The following MYO16 variants were observed in gnomAD, a reference collection of about 807,000 sequenced individuals.
MYO16 encodes the protein unconventional myosin-XVI.
Under a neutral mutation model 205.3 loss-of-function variants are expected in MYO16, and 94 were observed. The observed-to-expected ratio is 0.46, with a 90% CI of 0.39 to 0.54. MYO16 has a LOEUF of 0.54. Ranked by LOEUF, MYO16 falls within the 20% of genes least tolerant of loss-of-function variation. The pLI, the probability that MYO16 is intolerant of heterozygous loss-of-function variation, is 0.00. For synonymous variants in MYO16, 988 were observed against 954.0 expected (o/e 1.04, Z -0.66); for missense variants, 2,315 against 2,387.5 (o/e 0.97, Z 0.63).
At chr13:108,698,707 G>A (rs1883183682) in intron 2 of MYO16, among the ~76,000 whole-genome samples, 1 of 152,188 alleles carries the variant, frequency 6.6e-6, no homozygotes, top group Admixed American at 6.5e-5. Context: ...AGTTCTATTT[G>A]AGATTTCTAC....
intron 28 of MYO16, among the ~76,000 whole-genome samples, chr13:109,104,099 T>G (rs2139721444): frequency 6.6e-6 from 1 of 152,308 alleles, no homozygotes; most frequent in East Asian, 1.9e-4. Flanking sequence ...ATCAAAATAC[T>G]AGGTGCAGTT....
At chr13:108,749,209 A>T (rs4771602) in intron 4 of MYO16, among the ~76,000 whole-genome samples, 63,327 of 151,970 alleles carry the variant, frequency 0.42, 13,295 homozygotes, top group East Asian at 0.55. Flanking sequence ...TATACAATAT[A>T]TTGTTATTAG....
intron 1 of MYO16, among the ~76,000 whole-genome samples, chr13:108,640,356 A>G (rs1880449609): frequency 6.6e-6 from 1 of 152,152 alleles, no homozygotes; most frequent in African/African-American, 2.4e-5. Context: ...GACGTAGAGC[A>G]GGGCCAGGGG....
At chr13:109,041,430 A>G (rs1886880768) in intron 23 of MYO16, among the ~76,000 whole-genome samples, 1 of 152,228 alleles carries the variant, frequency 6.6e-6, no homozygotes, top group Admixed American at 6.5e-5. Context: ...AACAATGTTT[A>G]TAAAGAAGAA....
chr13:109,071,307 T>C (rs1264412489), intron 27 of MYO16, among the ~76,000 whole-genome samples: 1 of 152,172 alleles, frequency 6.6e-6, no homozygotes, highest in Non-Finnish European at 1.5e-5. Context: ...CTTGGATAAC[T>C]TTATATTAGA....
chr13:109,080,380 G>A (rs1888246563), intron 27 of MYO16, among the ~76,000 whole-genome samples: 1 of 152,066 alleles, frequency 6.6e-6, no homozygotes, highest in African/African-American at 2.4e-5. Flanking sequence ...AAGTGGAGGC[G>A]AGTCCTATAT....
chr13:108,627,350 CT>C (rs1401479340), upstream of MYO16, among the ~76,000 whole-genome samples: 1 of 152,116 alleles, frequency 6.6e-6, no homozygotes, highest in Admixed American at 6.6e-5. Context: ...TTTAAGAAAT[CT>C]GTGAATACAT....
At chr13:109,065,141 A>G (rs1887704732) in intron 27 of MYO16, among the ~76,000 whole-genome samples, 1 of 152,216 alleles carries the variant, frequency 6.6e-6, no homozygotes, top group South Asian at 2.1e-4. Context: ...CTGGCAGAAT[A>G]GCCCAGACTT....
intron 34 of MYO16, among the ~76,000 whole-genome samples, chr13:109,183,682 A>C (rs1372742060): frequency 6.6e-6 from 1 of 152,160 alleles, no homozygotes; most frequent in Admixed American, 6.5e-5. Flanking sequence ...TTTCTTGCCA[A>C]GTTTTTAAAA....
At chr13:108,553,686 T>C in the MYO16 span, among the ~76,000 whole-genome samples, 1 of 152,198 alleles carries the variant, frequency 6.6e-6, no homozygotes, top group Admixed American at 6.5e-5. Flanking sequence ...CAACAAATAG[T>C]ATATTTCCAG....
chr13:109,120,185 T>A (rs1265987849), intron 28 of MYO16, among the ~76,000 whole-genome samples, 185 bp from the exon 29 acceptor site: 4 of 152,218 alleles, frequency 2.6e-5, no homozygotes, highest in African/African-American at 9.6e-5. Flanking sequence ...AACATACTTA[T>A]TACAACAAAG....
chr13:109,175,931 C>A (rs938137280), intron 33 of MYO16, among the ~76,000 whole-genome samples: 2 of 151,304 alleles, frequency 1.3e-5, no homozygotes, highest in African/African-American at 4.9e-5. Context: ...CCTTTAGCTG[C>A]GTGAGAAAAT....
intron 31 of MYO16, among the ~76,000 whole-genome samples, chr13:109,131,025 T>A (rs1876508261): frequency 6.6e-6 from 1 of 152,148 alleles, no homozygotes; most frequent in African/African-American, 2.4e-5. Flanking sequence ...TGATACTGAA[T>A]TTTTTGCATC....
At chr13:108,589,541 C>G in the MYO16 span, among the ~76,000 whole-genome samples, 1 of 152,028 alleles carries the variant, frequency 6.6e-6, no homozygotes, top group Non-Finnish European at 1.5e-5. Context: ...CACAAAAAAG[C>G]AAATACCAGT....
intron 4 of MYO16, among the ~76,000 whole-genome samples, chr13:108,761,512 G>A (rs974818775): frequency 6.6e-6 from 1 of 152,192 alleles, no homozygotes; most frequent in African/African-American, 2.4e-5. Flanking sequence ...AATAGGTAGC[G>A]AAAGTATAGG....
chr13:108,886,588 C>T (rs1401818771), intron 13 of MYO16: 1 of 432,024 alleles, frequency 2.3e-6, no homozygotes, highest in Non-Finnish European at 4.6e-6. Context: ...CTGCTGGCGG[C>T]TCCACCCCCC....
chr13:108,836,397 G>C (rs563946654), intron 9 of MYO16, among the ~76,000 whole-genome samples: 9 of 152,352 alleles, frequency 5.9e-5, no homozygotes, highest in African/African-American at 1.2e-4. Context: ...GCCCTCATTG[G>C]AGAAGCCCTG....
chr13:109,117,324 A>G (rs967395829), intron 28 of MYO16, among the ~76,000 whole-genome samples: 5 of 151,392 alleles, frequency 3.3e-5, no homozygotes, highest in African/African-American at 1.2e-4. Context: ...TTTCAAGAAT[A>G]TATGTCCATA....
At chr13:109,012,173 A>T (rs2139489736) in intron 22 of MYO16, among the ~76,000 whole-genome samples, 1 of 152,350 alleles carries the variant, frequency 6.6e-6, no homozygotes, top group South Asian at 2.1e-4. Context: ...GAAAGAAAAG[A>T]TAAACAGCAC....
Sources: allele counts gnomAD v4.1 joint callset (sites outside exome capture counted in the v4.1 genomes callset), GRCh38; gene constraint gnomAD v4.1.1; transcripts MANE v1.5; gene names NCBI Gene and HGNC (gene_info 2026-07-23, HGNC 2026-07-21).